Variants in PDE4D observed in about 807,000 individuals in gnomAD.
PDE4D encodes the protein 3',5'-cyclic-AMP phosphodiesterase 4D.
In PDE4D, 24 loss-of-function variants were observed where a neutral mutation model predicts 87.4. The observed-to-expected ratio is 0.27, with a 90% confidence interval of 0.20 to 0.39. The LOEUF (loss-of-function observed/expected upper bound fraction) is 0.39. PDE4D is among the 10% of genes least tolerant of loss of function. The probability of loss-of-function intolerance (pLI) is 1.00; values close to 1 mark genes in which losing one functional copy is unlikely to be tolerated. For missense variants in PDE4D, 714 were observed against 1,041.0 expected, an observed-to-expected ratio of 0.69 and a Z score of 4.32; for synonymous variants, 384 against 383.2, an observed-to-expected ratio of 1.00 and a Z score of -0.02.
chr5:59,401,258 A>T (rs1304015591), intron 1 of PDE4D, among the ~76,000 whole-genome samples: 17 of 152,190 alleles, frequency 1.1e-4, no homozygotes, highest in Admixed American at 1.1e-3. Context: ...CAGCCTGGGC[A>T]ACATAGAGAT....
At chr5:60,159,423 CTTA>C (rs1328809050) in intron 2 of PDE4D, among the ~76,000 whole-genome samples, 3 of 152,108 alleles carry the variant, frequency 2.0e-5, no homozygotes, top group Non-Finnish European at 2.9e-5. Flanking sequence ...AACAGTAACA[CTTA>C]TTATCAGTAA....
At chr5:59,200,925 G>A (rs1747207349) in intron 2 of PDE4D, among the ~76,000 whole-genome samples, 2 of 151,950 alleles carry the variant, frequency 1.3e-5, no homozygotes. Context: ...GAGTCATAGT[G>A]TATATTCAAC....
chr5:59,140,639 A>T (rs1777752175), intron 5 of PDE4D, among the ~76,000 whole-genome samples: 2 of 152,252 alleles, frequency 1.3e-5, no homozygotes, highest in African/African-American at 2.4e-5. Flanking sequence ...AAGAAAATTT[A>T]ATAACAATAT....
intron 2 of PDE4D, among the ~76,000 whole-genome samples, chr5:60,169,928 A>C (rs1033774551): frequency 2.6e-5 from 4 of 151,976 alleles, no homozygotes; most frequent in African/African-American, 9.7e-5. Flanking sequence ...TTTAGTTTGC[A>C]TTATCGACAT....
chr5:59,827,738 G>T (rs1424286417), intron 1 of PDE4D, among the ~76,000 whole-genome samples: 1 of 152,054 alleles, frequency 6.6e-6, no homozygotes, highest in Non-Finnish European at 1.5e-5. Context: ...GAGAAAGGAT[G>T]GGCAGCTGGG....
intron 1 of PDE4D, among the ~76,000 whole-genome samples, chr5:59,677,682 C>T (rs1458875534): frequency 1.3e-5 from 2 of 152,096 alleles, no homozygotes; most frequent in East Asian, 3.9e-4. Flanking sequence ...AGGATGTGTA[C>T]TGATGTTACT....
At chr5:59,231,280 C>T (rs1397941975) in intron 1 of PDE4D, among the ~76,000 whole-genome samples, 4 of 152,170 alleles carry the variant, frequency 2.6e-5, no homozygotes, top group Non-Finnish European at 5.9e-5. Flanking sequence ...GGAAATTCTG[C>T]TTGTTGTCTG....
At chr5:59,415,718 CA>C (rs1793493106) in intron 1 of PDE4D, among the ~76,000 whole-genome samples, 1 of 152,016 alleles carries the variant, frequency 6.6e-6, no homozygotes, top group East Asian at 1.9e-4. Context: ...ATTTCAAAGA[CA>C]AAGTATGAGG....
chr5:59,482,148 C>T (rs1474098570), intron 1 of PDE4D, among the ~76,000 whole-genome samples: 1 of 152,066 alleles, frequency 6.6e-6, no homozygotes, highest in Non-Finnish European at 1.5e-5. Flanking sequence ...ACATTCATAC[C>T]CTCTCCAGCT....
chr5:59,121,855 G>A (rs1232481042), intron 5 of PDE4D, among the ~76,000 whole-genome samples: 10 of 152,020 alleles, frequency 6.6e-5, no homozygotes, highest in African/African-American at 2.4e-4. Context: ...AAGAAAATGT[G>A]GTATACGGCC....
intron 5 of PDE4D, among the ~76,000 whole-genome samples, chr5:59,165,385 T>C (rs1415721184): frequency 2.0e-5 from 3 of 152,200 alleles, no homozygotes; most frequent in Non-Finnish European, 2.9e-5. Flanking sequence ...GTGATTCTCC[T>C]ACCTCAGCCT....
chr5:59,817,884 G>C (rs933541975), intron 1 of PDE4D, among the ~76,000 whole-genome samples: 1 of 152,176 alleles, frequency 6.6e-6, no homozygotes, highest in Non-Finnish European at 1.5e-5. Flanking sequence ...AGAACTGTGA[G>C]AAAATAAATG....
chr5:59,952,076 T>C (rs1758350459), intron 3 of PDE4D, among the ~76,000 whole-genome samples: 1 of 152,164 alleles, frequency 6.6e-6, no homozygotes, highest in Non-Finnish European at 1.5e-5. Flanking sequence ...GTTTCCCCCA[T>C]CCGGCTCTTG....
intron 1 of PDE4D, among the ~76,000 whole-genome samples, chr5:59,278,085 T>C (rs931998550): frequency 1.3e-5 from 2 of 152,098 alleles, no homozygotes; most frequent in Non-Finnish European, 1.5e-5. Flanking sequence ...ACCATTGAGA[T>C]TTAAATTTAA....
chr5:59,574,559 CA>C (rs1822805205), intron 1 of PDE4D, among the ~76,000 whole-genome samples: 1 of 152,060 alleles, frequency 6.6e-6, no homozygotes, highest in South Asian at 2.1e-4. Context: ...GAACTTGGTT[CA>C]ATACAGCTTT....
intron 5 of PDE4D, among the ~76,000 whole-genome samples, chr5:59,070,537 A>T (rs1246097181): frequency 6.6e-6 from 1 of 152,212 alleles, no homozygotes; most frequent in Non-Finnish European, 1.5e-5. Context: ...CCTTTGCAAC[A>T]CTTCACACTT....
At chr5:60,212,987 T>C (rs1237119435) in intron 1 of PDE4D, among the ~76,000 whole-genome samples, 1 of 152,208 alleles carries the variant, frequency 6.6e-6, no homozygotes, top group Admixed American at 6.5e-5. Flanking sequence ...GTCTCCTCAA[T>C]TGTCCCTTGA....
At chr5:59,053,680 G>T (rs574126892) in intron 5 of PDE4D, among the ~76,000 whole-genome samples, 21 of 126,928 alleles carry the variant, frequency 1.7e-4, no homozygotes, top group Non-Finnish European at 2.7e-4. Context: ...TTTTGGCCAG[G>T]CACGGTCGCT....
intron 1 of PDE4D, among the ~76,000 whole-genome samples, chr5:59,407,428 G>A (rs1028515833): frequency 3.3e-5 from 5 of 152,090 alleles, no homozygotes; most frequent in African/African-American, 1.2e-4. Flanking sequence ...TTTCTTTATT[G>A]CAATGCCACA....
Sources: gnomAD v4.1 joint callset for allele counts (sites outside exome capture counted in the v4.1 genomes callset) on GRCh38, gnomAD v4.1.1 for gene constraint, MANE v1.5 for transcripts, NCBI Gene and HGNC (gene_info 2026-07-23, HGNC 2026-07-21) for gene names.